Variants in GRIA1 observed in about 807,000 individuals in gnomAD.
GRIA1 encodes the protein glutamate receptor 1.
Under a neutral mutation model 99.2 loss-of-function variants are expected in GRIA1, and 31 were observed. The ratio of observed to expected loss-of-function variants is 0.31; its 90% CI spans 0.23 to 0.42. The LOEUF (loss-of-function observed/expected upper bound fraction) is 0.42, where lower values mean the gene tolerates loss of function less well. GRIA1 is among the 10% of genes least tolerant of loss of function. GRIA1 has a pLI of 1.00. For missense variants in GRIA1, 782 were observed against 1,157.5 expected (o/e 0.68, Z 4.71); for synonymous variants, 438 against 432.4 (o/e 1.01, Z -0.16).
intron 2 of GRIA1, among the ~76,000 whole-genome samples, chr5:153,587,540 T>A (rs1018187434): frequency 6.6e-5 from 10 of 151,876 alleles, no homozygotes; most frequent in African/African-American, 2.4e-4. Flanking sequence ...AACCACAGAG[T>A]CATCACTGAC....
chr5:153,809,823 G>A (rs1581693909), intron 15 of GRIA1, among the ~76,000 whole-genome samples: 1 of 152,278 alleles, frequency 6.6e-6, no homozygotes, highest in African/African-American at 2.4e-5. Context: ...AAGATGAGAG[G>A]AGCCAGCACT....
chr5:153,546,968 A>G (rs1314849319), intron 2 of GRIA1, among the ~76,000 whole-genome samples: 1 of 152,144 alleles, frequency 6.6e-6, no homozygotes, highest in African/African-American at 2.4e-5. Context: ...CCTAGCACTT[A>G]GTTGTGTCTG....
chr5:153,628,343 G>A lies in GRIA1; in HGVS notation c.221-18585G>A, dbSNP rs1767834425. On this transcript the variant is annotated intron_variant, in intron 2 of 15. Coordinates refer to ENST00000285900, the MANE Select transcript of GRIA1 (RefSeq NM_000827.4). ...GCAGGACGGCTACAAGCATGGAGCT[G>A]AAGTTCAGACTGACCTGGCTTTGAT... Among the ~76,000 whole-genome samples the A allele has an allele frequency of 2.6e-5, 4 of 152,210 alleles. No homozygotes were observed. In the South Asian group the frequency reaches 8.3e-4, roughly 32 times the overall value.
At chr5:153,741,266 T>A (rs898406217) in intron 11 of GRIA1, among the ~76,000 whole-genome samples, 2 of 151,958 alleles carry the variant, frequency 1.3e-5, no homozygotes, top group Non-Finnish European at 1.5e-5. Context: ...GAGCCACCGC[T>A]CCCGGCCAGA....
At chr5:153,727,788 C>T (rs376224636) in intron 11 of GRIA1, among the ~76,000 whole-genome samples, 306 of 152,056 alleles carry the variant, frequency 2.0e-3, no homozygotes, top group African/African-American at 6.8e-3. Flanking sequence ...GAATCAATAT[C>T]GTGAAAATGG....
intron 5 of GRIA1, among the ~76,000 whole-genome samples, chr5:153,672,891 C>T (rs765182934): frequency 5.3e-5 from 8 of 152,198 alleles, no homozygotes; most frequent in Non-Finnish European, 8.8e-5. Context: ...ATTCCTTGGG[C>T]AGTTTTCCAA....
At chr5:153,518,845 T>C (rs1756867879) in intron 2 of GRIA1, among the ~76,000 whole-genome samples, 1 of 152,182 alleles carries the variant, frequency 6.6e-6, no homozygotes, top group South Asian at 2.1e-4. Flanking sequence ...AGTAAGTGGC[T>C]GAGTGAATTC....
At chr5:153,555,873 G>C (rs1760594370) in intron 2 of GRIA1, among the ~76,000 whole-genome samples, 1 of 152,212 alleles carries the variant, frequency 6.6e-6, no homozygotes, top group African/African-American at 2.4e-5. Flanking sequence ...AGAGCGATCT[G>C]ACCTTTGTGA....
chr5:153,810,920 A>T, intron 15 of GRIA1, 105 bp from the exon 16 acceptor site: 1 of 795,960 alleles, frequency 1.3e-6, no homozygotes, highest in South Asian at 1.5e-5. Context: ...AAGGGGGTGG[A>T]TGGGAAAGCA....
chr5:153,676,634 G>A (rs899679812), intron 6 of GRIA1, among the ~76,000 whole-genome samples: 26 of 152,130 alleles, frequency 1.7e-4, no homozygotes, highest in African/African-American at 6.0e-4. Context: ...CTGCAGATGT[G>A]TTATATGTAA....
At chr5:153,809,982 G>C (rs1766705418) in intron 15 of GRIA1, among the ~76,000 whole-genome samples, 1 of 152,102 alleles carries the variant, frequency 6.6e-6, no homozygotes, top group African/African-American at 2.4e-5. Context: ...TTCTGTGATT[G>C]TTTCTTAATG....
At chr5:153,579,874 A>T (rs1428652479) in intron 2 of GRIA1, among the ~76,000 whole-genome samples, 1 of 146,270 alleles carries the variant, frequency 6.8e-6, no homozygotes, top group Non-Finnish European at 1.5e-5. Context: ...GCCTTGTGAA[A>T]AAACAAAAAC....
intron 2 of GRIA1, among the ~76,000 whole-genome samples, chr5:153,610,385 A>G (rs969676528): frequency 6.6e-6 from 1 of 152,254 alleles, no homozygotes; most frequent in South Asian, 2.1e-4. Flanking sequence ...ATTATTCAGA[A>G]TAGACCTTGT....
rs146981604 is a variant in GRIA1 at position 153,652,256 on chromosome 5, G to A, written c.645+1742G>A. Among the ~76,000 whole-genome samples the A allele has an allele frequency of 6.1e-3, 930 of 152,118 alleles. 8 individuals carry two copies. The highest frequency in any genetic ancestry group is 0.024 in the Middle Eastern group (7 of 294). ...AGATAACATAGTCGATGGAAAAAGT[G>A]CCAAATGATAATGACATATTAATAG... On this transcript the variant is annotated intron_variant, in intron 4 of 15. Transcript: ENST00000285900.
chr5:153,703,449 G>A (rs1248591117), intron 10 of GRIA1, among the ~76,000 whole-genome samples: 1 of 152,080 alleles, frequency 6.6e-6, no homozygotes, highest in Non-Finnish European at 1.5e-5. Flanking sequence ...TAAGCTTTAG[G>A]ACAATACGGA....
At chr5:153,791,480 G>C (rs960791473) in intron 13 of GRIA1, among the ~76,000 whole-genome samples, 2 of 151,962 alleles carry the variant, frequency 1.3e-5, no homozygotes, top group African/African-American at 4.8e-5. Flanking sequence ...ACTGAGTAGT[G>C]GGGGGTGGGG....
intron 5 of GRIA1, among the ~76,000 whole-genome samples, chr5:153,668,645 T>C (rs560397304): frequency 6.6e-6 from 1 of 152,336 alleles, no homozygotes; most frequent in South Asian, 2.1e-4. Flanking sequence ...TCTGGCCCTT[T>C]ACATAAAAAG....
chr5:153,781,656 G>C (rs1455556685), intron 13 of GRIA1, among the ~76,000 whole-genome samples: 1 of 152,112 alleles, frequency 6.6e-6, no homozygotes, highest in Non-Finnish European at 1.5e-5. Flanking sequence ...CTGATTCATG[G>C]AGAATCAGGA....
chr5:153,562,511 G>T (rs1761218409), intron 2 of GRIA1, among the ~76,000 whole-genome samples: 1 of 152,162 alleles, frequency 6.6e-6, no homozygotes, highest in Non-Finnish European at 1.5e-5. Context: ...TTTAATAATG[G>T]TTCCTTACTC....
Sources: gnomAD v4.1 joint callset for allele counts (sites outside exome capture counted in the v4.1 genomes callset) on GRCh38, gnomAD v4.1.1 for gene constraint, MANE v1.5 for transcripts, NCBI Gene and HGNC (gene_info 2026-07-23, HGNC 2026-07-21) for gene names.